Variants in SCLT1 observed in about 807,000 individuals in gnomAD.
SCLT1 encodes sodium channel and clathrin linker 1, also known as sodium channel-associated protein 1.
A neutral mutation model predicts 112.8 loss-of-function variants in SCLT1; 78 were observed. That is an observed-to-expected ratio of 0.69 (90% CI 0.58 to 0.83). The LOEUF (loss-of-function observed/expected upper bound fraction) is 0.83, where lower values mean the gene tolerates loss of function less well. Ranked by LOEUF, SCLT1 falls within the 40% of genes least tolerant of loss-of-function variation. The pLI, the probability that SCLT1 is intolerant of heterozygous loss-of-function variation, is 0.00. For missense variants in SCLT1, 747 were observed against 770.4 expected (o/e 0.97, Z 0.36); for synonymous variants, 257 against 254.7 (o/e 1.01, Z -0.09).
chr4:129,013,973 A>AAT (rs1744771530), intron 5 of SCLT1, among the ~76,000 whole-genome samples: 1 of 152,100 alleles, frequency 6.6e-6, no homozygotes, highest in Non-Finnish European at 1.5e-5. Flanking sequence ...CTCTTTACAT[A>AAT]ATCCCATATT....
In SCLT1 at chr4:128,955,596, T is replaced by C. The variant is rs80144660; in HGVS notation, c.1146+1430A>G. On this transcript the variant is annotated intron_variant, in intron 13 of 20. Transcript: ENST00000281142. ...GAGATACATGTAAAGTTATTCTCAATTCAACAGGTTAATTCTACATATTTG... is the reference window on the plus strand; with the variant it reads ...GAGATACATGTAAAGTTATTCTCAACTCAACAGGTTAATTCTACATATTTG... Among the ~76,000 whole-genome samples the C allele has an allele frequency of 5.4e-3, 819 of 152,328 alleles. 9 individuals carry two copies. The highest frequency in any genetic ancestry group is 0.019 in the African/African-American group (774 of 41,580).
chr4:128,873,682 A>T (rs1170300410), intron 5 of SCLT1: 1 of 152,326 alleles, frequency 6.6e-6, no homozygotes, highest in Non-Finnish European at 1.5e-5. Flanking sequence ...ATACAGAATT[A>T]TGGGCCTTTG....
intron 7 of SCLT1, 47 bp from the exon 8 acceptor site, chr4:128,997,986 T>C: frequency 1.1e-6 from 1 of 895,996 alleles, no homozygotes; most frequent in Non-Finnish European, 1.6e-6. Context: ...TTTTGTTGTT[T>C]ATAACCCATA....
chr4:128,994,851 C>T (rs564686464), intron 8 of SCLT1, among the ~76,000 whole-genome samples: 1 of 152,202 alleles, frequency 6.6e-6, no homozygotes, highest in South Asian at 2.1e-4. Context: ...TAAAAATCAA[C>T]TTATTAGGTT....
chr4:128,934,828 G>A (rs1250093995), intron 18 of SCLT1, among the ~76,000 whole-genome samples: 1 of 151,550 alleles, frequency 6.6e-6, no homozygotes, highest in Non-Finnish European at 1.5e-5. Flanking sequence ...GCACTGATTA[G>A]GACTCCAGTA....
chr4:128,933,207 T>C (rs971465173), intron 18 of SCLT1, among the ~76,000 whole-genome samples: 12 of 152,122 alleles, frequency 7.9e-5, no homozygotes, highest in Admixed American at 7.2e-4. Flanking sequence ...AAAGACCAAA[T>C]GGCATTTGAT....
chr4:128,953,187 T>C (rs1579487035), intron 13 of SCLT1, among the ~76,000 whole-genome samples: 1 of 152,210 alleles, frequency 6.6e-6, no homozygotes, highest in South Asian at 2.1e-4. Context: ...TACTAATCTC[T>C]TAAAAAGTAA....
At chr4:129,025,879 A>G (rs1746016357) in intron 5 of SCLT1, among the ~76,000 whole-genome samples, 2 of 152,070 alleles carry the variant, frequency 1.3e-5, no homozygotes, top group Admixed American at 6.6e-5. Flanking sequence ...TGGAAAACAA[A>G]AAAAGGCAGG....
Position 128,936,789 on chromosome 4 carries a change from C to G in SCLT1, c.1695G>C (p.Glu565Asp). The change falls in exon 18 of 21, where the codon GAG (glutamate) becomes GAC (aspartate). Residue 565 changes from glutamate (E) to aspartate (D), a missense_variant. By Grantham distance (45) the Glu-to-Asp change is conservative. Coordinates refer to ENST00000281142, the MANE Select transcript of SCLT1 (RefSeq NM_144643.4). ...KERGFEVQLR[E>D]MEDSNRNSIV... ...TGGAATTTCTATTACTGTCTTCCAT[C>G]TCTCTCAATTGAACTTCAAATCCAC... The G allele has an allele frequency of 6.2e-7, 1 of 1,607,194 alleles. No individual in the cohort carries two copies. The highest frequency in any genetic ancestry group is 8.5e-7 in the Non-Finnish European group (1 of 1,174,312).
chr4:128,983,846 G>A (rs1252972045), intron 9 of SCLT1, among the ~76,000 whole-genome samples: 1 of 152,082 alleles, frequency 6.6e-6, no homozygotes, highest in Non-Finnish European at 1.5e-5. Context: ...AGTACTTAAG[G>A]AGTTTCTAAT....
At chr4:128,876,661 G>A (rs1344551696) in intron 3 of SCLT1, 1 of 152,214 alleles carries the variant, frequency 6.6e-6, no homozygotes, top group Non-Finnish European at 1.5e-5. Flanking sequence ...AGAGGATAAA[G>A]GCAAATCCAA....
At chr4:129,005,103 T>C (rs548000007) in intron 5 of SCLT1, among the ~76,000 whole-genome samples, 2 of 152,234 alleles carry the variant, frequency 1.3e-5, no homozygotes, top group East Asian at 1.9e-4. Flanking sequence ...CCATTAAAAA[T>C]AGACCAATGA....
chr4:128,999,572 A>C (rs1743283445), intron 7 of SCLT1, 100 bp downstream of exon 7: 2 of 688,378 alleles, frequency 2.9e-6, no homozygotes, highest in Admixed American at 2.8e-5. Flanking sequence ...AGAAATTCTA[A>C]ATGCTATAGG....
At chr4:128,895,808 G>A (rs1161940558) in intron 18 of SCLT1, among the ~76,000 whole-genome samples, 8 of 152,158 alleles carry the variant, frequency 5.3e-5, no homozygotes, top group Admixed American at 1.3e-4. Context: ...GGTGACAGAC[G>A]GCACCTGGAA....
chr4:128,962,662 C>T (rs1364960633), intron 11 of SCLT1, among the ~76,000 whole-genome samples: 1 of 152,134 alleles, frequency 6.6e-6, no homozygotes. Context: ...CATCCCTTCT[C>T]ATGACTCCCC....
At chr4:129,006,887 T>G (rs941274051) in intron 5 of SCLT1, among the ~76,000 whole-genome samples, 1 of 152,236 alleles carries the variant, frequency 6.6e-6, no homozygotes, top group African/African-American at 2.4e-5. Flanking sequence ...ATACATACTC[T>G]TAAGATTACA....
chr4:128,933,628 A>T (rs1299474191), intron 18 of SCLT1, among the ~76,000 whole-genome samples: 1 of 152,106 alleles, frequency 6.6e-6, no homozygotes. Context: ...CCTCATTGCA[A>T]CTGAATACTG....
chr4:129,041,433 G>C (rs1446870930), intron 4 of SCLT1, among the ~76,000 whole-genome samples: 1 of 152,168 alleles, frequency 6.6e-6, no homozygotes, highest in Non-Finnish European at 1.5e-5. Flanking sequence ...CAAATGCAGT[G>C]AAAGAACCTA....
chr4:128,994,377 T>C (rs1320096054), intron 8 of SCLT1, among the ~76,000 whole-genome samples: 1 of 152,178 alleles, frequency 6.6e-6, no homozygotes, highest in Non-Finnish European at 1.5e-5. Context: ...CTGAATAGCA[T>C]TCCACTGTAT....
Sources: allele counts gnomAD v4.1 joint callset (sites outside exome capture counted in the v4.1 genomes callset), GRCh38; gene constraint gnomAD v4.1.1; transcripts MANE v1.5; gene names NCBI Gene and HGNC (gene_info 2026-07-23, HGNC 2026-07-21).